Variants in DLG2 observed in about 807,000 individuals in gnomAD.
The protein encoded by DLG2 is disks large homolog 2.
In DLG2, 45 loss-of-function variants were observed where a neutral mutation model predicts 132.5. The ratio of observed to expected loss-of-function variants is 0.34; its 90% confidence interval spans 0.27 to 0.44. DLG2 has a LOEUF of 0.44. DLG2 is among the 20% of genes least tolerant of loss of function. The pLI is 1.00. For synonymous variants in DLG2, 424 were observed against 419.6 expected, an observed-to-expected ratio of 1.01 and a Z score of -0.13; for missense variants, 1,045 against 1,196.9, an observed-to-expected ratio of 0.87 and a Z score of 1.87.
chr11:84,359,222 T>C (rs112711034), intron 7 of DLG2, among the ~76,000 whole-genome samples: 12 of 152,038 alleles, frequency 7.9e-5, no homozygotes, highest in African/African-American at 2.9e-4. Flanking sequence ...GGAACAAATA[T>C]ATTCCAAAGA....
intron 7 of DLG2, among the ~76,000 whole-genome samples, chr11:84,343,841 T>C (rs1413426415): frequency 6.6e-6 from 1 of 152,180 alleles, no homozygotes; most frequent in African/African-American, 2.4e-5. Flanking sequence ...AATATAGACA[T>C]TCATCAGTAA....
intron 6 of DLG2, among the ~76,000 whole-genome samples, chr11:84,771,848 A>T (rs1179939378): frequency 6.6e-6 from 1 of 152,096 alleles, no homozygotes; most frequent in African/African-American, 2.4e-5. Flanking sequence ...ACAGAATTCC[A>T]AGTTGGGTTA....
chr11:85,339,671 A>C (rs1183222593), intron 3 of DLG2, among the ~76,000 whole-genome samples: 1 of 152,144 alleles, frequency 6.6e-6, no homozygotes, highest in Non-Finnish European at 1.5e-5. Context: ...ATTTTTCAAA[A>C]ATTTTTATTG....
chr11:85,266,934 T>C (rs1018789212), intron 4 of DLG2, among the ~76,000 whole-genome samples: 5 of 152,208 alleles, frequency 3.3e-5, no homozygotes, highest in Non-Finnish European at 5.9e-5. Context: ...TTCTGGGTAA[T>C]AACAGTTTTT....
chr11:84,165,303 C>T (rs1201759960), intron 8 of DLG2, among the ~76,000 whole-genome samples: 1 of 152,162 alleles, frequency 6.6e-6, no homozygotes, highest in Non-Finnish European at 1.5e-5. Context: ...TTAGGAAGTG[C>T]TTAAAAGACA....
At chr11:84,478,557 T>C (rs2099127989) in intron 7 of DLG2, among the ~76,000 whole-genome samples, 1 of 152,072 alleles carries the variant, frequency 6.6e-6, no homozygotes, top group African/African-American at 2.4e-5. Flanking sequence ...TCCTTATGCA[T>C]AAATCTCTTC....
intron 7 of DLG2, among the ~76,000 whole-genome samples, chr11:84,509,935 A>G (rs764946137): frequency 1.1e-4 from 17 of 151,954 alleles, no homozygotes. Context: ...AAATTTAAAA[A>G]TTAAGAAAAT....
intron 3 of DLG2, among the ~76,000 whole-genome samples, chr11:85,510,730 T>C (rs1598117016): frequency 2.0e-5 from 3 of 152,174 alleles, no homozygotes; most frequent in African/African-American, 7.2e-5. Context: ...CAATAGGTGC[T>C]GGAAAGGATG....
intron 6 of DLG2, among the ~76,000 whole-genome samples, chr11:84,692,253 T>C (rs921858822): frequency 6.6e-6 from 1 of 151,858 alleles, no homozygotes; most frequent in African/African-American, 2.4e-5. Context: ...AAACAAGCTT[T>C]AAATTTAGCA....
chr11:85,119,426 A>G (rs2074046835), intron 5 of DLG2, among the ~76,000 whole-genome samples: 2 of 152,062 alleles, frequency 1.3e-5, no homozygotes, highest in African/African-American at 2.4e-5. Flanking sequence ...TTAAGCTACT[A>G]AATACAAGAT....
At chr11:85,154,700 T>C (rs1193865362) in intron 4 of DLG2, 49 bp from the exon 5 acceptor site, 1 of 898,182 alleles carries the variant, frequency 1.1e-6, no homozygotes, top group Non-Finnish European at 1.7e-6. Context: ...TTTTCTGCAA[T>C]GTATATTGTT....
chr11:84,153,448 C>T (rs1289174333), intron 9 of DLG2, among the ~76,000 whole-genome samples: 1 of 152,048 alleles, frequency 6.6e-6, no homozygotes, highest in Non-Finnish European at 1.5e-5. Flanking sequence ...AAGTTGTTTA[C>T]TCTTTCTCCT....
chr11:83,546,111 T>C (rs1194310296), intron 19 of DLG2, among the ~76,000 whole-genome samples: 1 of 152,100 alleles, frequency 6.6e-6, no homozygotes, highest in Non-Finnish European at 1.5e-5. Flanking sequence ...CAATGTGTGG[T>C]GGCCCCTTGC....
At chr11:84,502,054 T>A (rs1017018746) in intron 7 of DLG2, among the ~76,000 whole-genome samples, 1 of 151,782 alleles carries the variant, frequency 6.6e-6, no homozygotes, top group Non-Finnish European at 1.5e-5. Context: ...TTCTTTTCTT[T>A]TCTTTTTTTC....
intron 11 of DLG2, among the ~76,000 whole-genome samples, chr11:84,018,640 C>T (rs1222936916): frequency 6.6e-6 from 1 of 151,832 alleles, no homozygotes; most frequent in African/African-American, 2.4e-5. Flanking sequence ...CTGATAATAC[C>T]TCTAGATCCA....
intron 6 of DLG2, among the ~76,000 whole-genome samples, chr11:84,790,304 T>C (rs2073626573): frequency 6.6e-6 from 1 of 152,178 alleles, no homozygotes; most frequent in African/African-American, 2.4e-5. Context: ...TGATATCTCA[T>C]TGTAGTTTTG....
intron 21 of DLG2, among the ~76,000 whole-genome samples, chr11:83,524,745 C>T (rs1351924412): frequency 1.3e-5 from 2 of 152,142 alleles, no homozygotes; most frequent in Non-Finnish European, 2.9e-5. Flanking sequence ...TAATATTAAG[C>T]TTCCTTGGCT....
chr11:84,878,614 G>A (rs1483275504), intron 6 of DLG2, among the ~76,000 whole-genome samples: 1 of 152,078 alleles, frequency 6.6e-6, no homozygotes, highest in Non-Finnish European at 1.5e-5. Flanking sequence ...TAGATAATGG[G>A]TGGATGGGTG....
At chr11:84,673,258 C>A in intron 6 of DLG2, among the ~76,000 whole-genome samples, 1 of 152,114 alleles carries the variant, frequency 6.6e-6, no homozygotes, top group South Asian at 2.1e-4. Flanking sequence ...ATGTATTTTA[C>A]ATAAGAGAGA....
Sources: gnomAD v4.1 joint callset for allele counts (sites outside exome capture counted in the v4.1 genomes callset) on GRCh38, gnomAD v4.1.1 for gene constraint, MANE v1.5 for transcripts, NCBI Gene and HGNC (gene_info 2026-07-23, HGNC 2026-07-21) for gene names.